The following IMPACT variants were observed in gnomAD, a reference collection of about 807,000 sequenced individuals.
The protein encoded by IMPACT is impact RWD domain protein, also known as protein IMPACT.
Under a neutral mutation model 47.5 loss-of-function variants are expected in IMPACT, and 35 were observed. The ratio of observed to expected loss-of-function variants is 0.74; its 90% CI spans 0.56 to 0.98. IMPACT has a LOEUF of 0.98. IMPACT is among the 50% of genes least tolerant of loss of function. IMPACT has a pLI of 0.00. For synonymous variants in IMPACT, 118 were observed against 125.6 expected, an observed-to-expected ratio of 0.94 and a Z score of 0.40; for missense variants, 373 against 394.8, an observed-to-expected ratio of 0.94 and a Z score of 0.47.
Position 24,443,074 on chromosome 18 carries a change from G to T in IMPACT, c.516G>T (p.Pro172=), listed in dbSNP as rs752510391. 8 of 1,594,950 alleles carry T rather than the reference G, an allele frequency of 5.0e-6. No individual in the cohort carries two copies. In the East Asian group the frequency reaches 6.8e-5, roughly 13 times the overall value. ...AAGTAGAAGTAGAAGAATTACCTCC[G>T]ATTGATCATGGCATTCCTATTACAG... ...RTEVEVEELP[P]IDHGIPITDR... is the part of the protein sequence containing the mutation. The change falls in exon 7 of 11, where the codon CCG becomes CCT. Residue 172 remains proline (P), a synonymous_variant. Transcript: ENST00000284202.
At chr18:24,438,717 T>A (rs1240605396) in intron 5 of IMPACT, among the ~76,000 whole-genome samples, 1 of 152,144 alleles carries the variant, frequency 6.6e-6, no homozygotes, top group Non-Finnish European at 1.5e-5. Context: ...TCCTCCTGCC[T>A]TGATCTCCCA....
Position 24,451,322 on chromosome 18 carries a change from T to G in IMPACT, c.*475T>G, listed in dbSNP as rs540803877. ...ATTGATCTTGGAGAGTTTCTTCTTG[T>G]GATTTTAGTTCATAAGTATGTCACC... On this transcript the variant is annotated 3_prime_UTR_variant, in exon 11 of 11. Transcript: ENST00000284202. The G allele has an allele frequency of 6.6e-6, 1 of 152,564 alleles. No individual in the cohort carries two copies. The highest frequency in any genetic ancestry group is 1.9e-4 in the East Asian group (1 of 5,194). The allele number at this position is 152,564 out of a possible 1,614,324, so 9.5% of individuals were successfully genotyped here. A position where few individuals can be genotyped will look rare whatever the true frequency, so the allele number is the denominator to read the frequency against.
chr18:24,433,852 G>A (rs1453481856), intron 4 of IMPACT, among the ~76,000 whole-genome samples: 1 of 151,360 alleles, frequency 6.6e-6, no homozygotes, highest in African/African-American at 2.4e-5. Flanking sequence ...TGTATTTTTA[G>A]TAGAGACGGG....
In IMPACT at chr18:24,442,975, GCCC is replaced by G. The variant is rs955915165; in HGVS notation, c.491-69_491-67del. ...TGTAATTTACATTTCTTTCCCAGCTGCCCCCCCATTTCATTTTTTTCAGTATTT... is the reference window on the plus strand; with the variant it reads ...TGTAATTTACATTTCTTTCCCAGCTGCCCCATTTCATTTTTTTCAGTATTT... On this transcript the variant is annotated intron_variant, in intron 6 of 10. Transcript: ENST00000284202. 7.2e-6 allele frequency: 5 copies of G among 695,698 alleles called. No homozygotes were observed. In the East Asian group the frequency reaches 8.3e-5, roughly 12 times the overall value. 43.1% of individuals were successfully genotyped at this position (695,698 alleles called of 1,614,324 possible). A position where few individuals can be genotyped will look rare whatever the true frequency, so the allele number is the denominator to read the frequency against.
At chr18:24,429,529 T>G (rs2144330317) in intron 3 of IMPACT, 1 of 152,278 alleles carries the variant, frequency 6.6e-6, no homozygotes, top group South Asian at 2.1e-4. Context: ...CAGTGATTGG[T>G]TTATAACCAG....
At chr18:24,444,973 C>T (rs1909211238) in intron 7 of IMPACT, among the ~76,000 whole-genome samples, 2 of 152,180 alleles carry the variant, frequency 1.3e-5, no homozygotes, top group South Asian at 4.1e-4. Context: ...CTCTATGAAC[C>T]TTACTTGACT....
chr18:24,444,749 G>A (rs776031373), intron 7 of IMPACT, among the ~76,000 whole-genome samples: 4 of 152,130 alleles, frequency 2.6e-5, no homozygotes, highest in Non-Finnish European at 5.9e-5. Context: ...AAACATTATT[G>A]CATGGGATGT....
rs968698034 is a variant in IMPACT at position 24,428,764 on chromosome 18, A to G, written c.166-105A>G. On this transcript the variant is annotated intron_variant, in intron 2 of 10. Coordinates refer to ENST00000284202, the MANE Select transcript of IMPACT (RefSeq NM_018439.4). ...ATATTTCAGTTTTCCTTTTCCTTTC[A>G]TCTCTGTCCTCCTTGCCTTTTTTGT... 5.3e-6 allele frequency: 4 copies of G among 760,908 alleles called. No individual in the cohort carries two copies. In the African/African-American group the frequency reaches 5.5e-5, roughly 10 times the overall value. 47.1% of individuals were successfully genotyped at this position (760,908 alleles called of 1,614,324 possible).
rs151171778 is a variant in IMPACT, at chr18:24,438,814, C to T, written c.367+774C>T. ...GATATTTACCTTGATGTCTCGGTTACGGTGGTGTTCGCCAAATGTCTCCAC... is the reference window on the plus strand; with the variant it reads ...GATATTTACCTTGATGTCTCGGTTATGGTGGTGTTCGCCAAATGTCTCCAC... On this transcript the variant is annotated intron_variant, in intron 5 of 10. Coordinates refer to ENST00000284202, the MANE Select transcript of IMPACT (RefSeq NM_018439.4). Among the ~76,000 whole-genome samples the T allele has an allele frequency of 1.3e-3, 205 of 152,086 alleles. 1 individual carries two copies. The highest frequency in any genetic ancestry group is 3.4e-3 in the Middle Eastern group (1 of 294).
At position 24,453,490 on chromosome 18, in the gene IMPACT, T is replaced by C. The variant is rs1465920404; in HGVS notation, c.*2643T>C. 1 of 151,602 alleles carries C rather than the reference T, an allele frequency of 6.6e-6. No individual in the cohort carries two copies. Among genetic ancestry groups the C allele is most frequent in the Non-Finnish European group, 1.5e-5 (1 of 67,820 alleles). The allele number at this position is 151,602 out of a possible 1,614,324, so 9.4% of individuals were successfully genotyped here. On this transcript the variant is annotated 3_prime_UTR_variant, in exon 11 of 11. Transcript: ENST00000284202. ...ACATATTTCATATAGAAGTATATTGTTAACATTTTCCATGTCAATAAATAT... is the reference window on the plus strand; with the variant it reads ...ACATATTTCATATAGAAGTATATTGCTAACATTTTCCATGTCAATAAATAT...
intron 4 of IMPACT, among the ~76,000 whole-genome samples, 192 bp downstream of exon 4, chr18:24,430,576 C>T (rs1227767142): frequency 1.3e-5 from 2 of 152,098 alleles, no homozygotes; most frequent in Non-Finnish European, 2.9e-5. Flanking sequence ...ATAGCTTCTA[C>T]TTAGATACAA....
chr18:24,446,146 G>T lies in IMPACT; in HGVS notation c.668+680G>T, dbSNP rs141966738. Among the ~76,000 whole-genome samples the T allele has an allele frequency of 5.4e-3, 825 of 151,936 alleles. 1 individual carries two copies. Among genetic ancestry groups the T allele is most frequent in the African/African-American group, 0.019 (783 of 41,454 alleles). On this transcript the variant is annotated intron_variant, in intron 8 of 10. Transcript: ENST00000284202. ...CCTGTTGCCCAGGCTGGAGTACAGG[G>T]GCGTGATCTTGGCCCAAGCAATCCT...
intron 6 of IMPACT, among the ~76,000 whole-genome samples, chr18:24,442,301 A>G (rs566504431): frequency 1.3e-5 from 2 of 152,042 alleles, no homozygotes; most frequent in African/African-American, 4.8e-5. Context: ...TTACAGGCAC[A>G]CGCCACCATG....
At position 24,452,428 on chromosome 18, in the gene IMPACT, G is replaced by T. The variant is rs1010011820; in HGVS notation, c.*1581G>T. 4 of 151,048 alleles carry T rather than the reference G, an allele frequency of 2.6e-5. No homozygotes were observed. The highest frequency in any genetic ancestry group is 5.9e-5 in the Non-Finnish European group (4 of 67,980). The allele number at this position is 151,048 out of a possible 1,614,324, so 9.4% of individuals were successfully genotyped here. ...AAATTAATTATTTTACATAATTAAA[G>T]AAGTTAAAAACTATTAACATTAAAT... On this transcript the variant is annotated 3_prime_UTR_variant, in exon 11 of 11. Transcript: ENST00000284202.
chr18:24,436,832 G>A (rs1351018957), intron 4 of IMPACT, among the ~76,000 whole-genome samples: 6 of 152,072 alleles, frequency 3.9e-5, no homozygotes, highest in South Asian at 4.2e-4. Context: ...ATTACACCAC[G>A]CCCGGCTCTG....
chr18:24,442,976 C>T, intron 6 of IMPACT, 73 bp from the exon 7 acceptor site: 2 of 690,952 alleles, frequency 2.9e-6, no homozygotes, highest in Admixed American at 2.4e-5. Context: ...TTCCCAGCTG[C>T]CCCCCCATTT....
At position 24,426,793 on chromosome 18, in the gene IMPACT, G is replaced by A. The variant is rs1259419574; in HGVS notation, c.36+1G>A. 6 of 1,239,718 alleles carry A rather than the reference G, an allele frequency of 4.8e-6. No individual in the cohort carries two copies. In the African/African-American group the frequency reaches 9.3e-5, roughly 19 times the overall value. 76.8% of individuals were successfully genotyped at this position (1,239,718 alleles called of 1,614,324 possible). ...GGACGCAGGGAGCGACCAGAGGCAG[G>A]TGAGGCCCCGGCGGGGTGCTGTCTC... On this transcript the variant is annotated splice_donor_variant, in intron 1 of 10. Transcript: ENST00000284202. LOFTEE classifies it high-confidence loss of function.
At chr18:24,435,972 A>G (rs1261588353) in intron 4 of IMPACT, among the ~76,000 whole-genome samples, 2 of 152,162 alleles carry the variant, frequency 1.3e-5, no homozygotes, top group African/African-American at 4.8e-5. Context: ...TTCTGTAAAA[A>G]GATTTACATA....
rs552556832 is a variant in IMPACT at position 24,434,745 on chromosome 18, A to G, written c.282-3210A>G. The stretch of plus-strand genomic sequence containing the variant: ...GCCATTGCACTCCAGCCTGGGCAAC[A>G]AGAGCAAAACTCTGTCTCAAAAAAA... On this transcript the variant is annotated intron_variant, in intron 4 of 10. Transcript: ENST00000284202. 5.5e-5 allele frequency among the ~76,000 whole-genome samples: 8 copies of G among 145,282 alleles called. No individual in the cohort carries two copies. The South Asian group carries it at 1.5e-3, about 28-fold the overall frequency.
Sources: gnomAD v4.1 joint callset for allele counts (sites outside exome capture counted in the v4.1 genomes callset) on GRCh38, gnomAD v4.1.1 for gene constraint, MANE v1.5 for transcripts, NCBI Gene and HGNC (gene_info 2026-07-23, HGNC 2026-07-21) for gene names.